The following DOCK3 variants were observed in gnomAD, a reference collection of about 807,000 sequenced individuals.
DOCK3 encodes dedicator of cytokinesis 3, also known as dedicator of cytokinesis protein 3.
DOCK3 carries 60 observed loss-of-function variants against 265.6 expected under a neutral mutation model. That is an observed-to-expected ratio of 0.23 (90% CI 0.18 to 0.28). The LOEUF is 0.28. DOCK3 is among the 10% of genes least tolerant of loss of function. The pLI is 1.00. For missense variants in DOCK3, 1,981 were observed against 2,594.3 expected, an observed-to-expected ratio of 0.76 and a Z score of 5.14; for synonymous variants, 881 against 938.0, an observed-to-expected ratio of 0.94 and a Z score of 1.11.
intron 12 of DOCK3, among the ~76,000 whole-genome samples, chr3:51,174,635 G>A (rs1405798827): frequency 6.6e-6 from 1 of 151,994 alleles, no homozygotes; most frequent in African/African-American, 2.4e-5. Flanking sequence ...CACTTCTTTA[G>A]GGTCATTTAT....
chr3:51,179,491 G>A (rs2087154971), intron 12 of DOCK3, among the ~76,000 whole-genome samples: 1 of 152,106 alleles, frequency 6.6e-6, no homozygotes, highest in Non-Finnish European at 1.5e-5. Flanking sequence ...GAGGCCTAAT[G>A]GATATCATAG....
chr3:51,236,446 C>G lies in DOCK3; in HGVS notation c.2001+18C>G. 1.9e-6 allele frequency: 3 copies of G among 1,590,004 alleles called. No individual in the cohort carries two copies. Among genetic ancestry groups the G allele is most frequent in the Non-Finnish European group, 2.6e-6 (3 of 1,167,674 alleles). On this transcript the variant is annotated intron_variant, in intron 20 of 52. Coordinates refer to ENST00000266037, the MANE Select transcript of DOCK3 (RefSeq NM_004947.5). ...AGTCTCTGGTAAGTCACCTTCCTGACTCTTTACTTTTATTAATTATTCCTG... is the reference window on the plus strand; with the variant it reads ...AGTCTCTGGTAAGTCACCTTCCTGAGTCTTTACTTTTATTAATTATTCCTG...
At position 51,375,738 on chromosome 3, in the gene DOCK3, C is replaced by T. The variant is rs2088064078; in HGVS notation, c.5413-10C>T. 2 of 1,613,928 alleles carry T rather than the reference C, an allele frequency of 1.2e-6. No individual in the cohort carries two copies. The highest frequency in any genetic ancestry group is 4.5e-5 in the East Asian group (2 of 44,890). ...TTTCACTCTCTGTAATGTTTATCTC[C>T]TTCCTTCAGCCGCCGAATTTCCAGC... is the stretch of plus-strand genomic sequence containing the variant. On this transcript the variant is annotated splice_polypyrimidine_tract_variant and intron_variant, in intron 50 of 52. Coordinates refer to ENST00000266037, the MANE Select transcript of DOCK3 (RefSeq NM_004947.5).
chr3:50,675,373 C>G lies in DOCK3; in HGVS notation c.37+73C>G. 8.7e-7 allele frequency: 1 copy of G among 1,148,122 alleles called. No homozygotes were observed. The highest frequency in any genetic ancestry group is 1.1e-6 in the Non-Finnish European group (1 of 920,124). The allele number at this position is 1,148,122 out of a possible 1,614,324, so 71.1% of individuals were successfully genotyped here. A position where few individuals can be genotyped will look rare whatever the true frequency, so the allele number is the denominator to read the frequency against. Reference sequence around the variant, plus strand: ...CCCAGCTCCCGGCCCCGCCTGGATTCGCATCCTCGTGCCCCCGCCACTGCC... The same window carrying G: ...CCCAGCTCCCGGCCCCGCCTGGATTGGCATCCTCGTGCCCCCGCCACTGCC... On this transcript the variant is annotated intron_variant, in intron 1 of 52. Transcript: ENST00000266037. The surrounding 1 kb of genome is among the most constrained non-coding windows in gnomAD (Gnocchi z 6.1).
At chr3:50,839,958 G>A (rs2045739333) in intron 2 of DOCK3, among the ~76,000 whole-genome samples, 1 of 151,258 alleles carries the variant, frequency 6.6e-6, no homozygotes, top group Non-Finnish European at 1.5e-5. Flanking sequence ...TAGTAGAGAT[G>A]GGGTTTCACC....
chr3:51,123,336 T>C (rs1423846525), intron 9 of DOCK3, among the ~76,000 whole-genome samples: 1 of 152,182 alleles, frequency 6.6e-6, no homozygotes, highest in Non-Finnish European at 1.5e-5. Context: ...CTACCCTATA[T>C]TCTTTGAGGG....
At chr3:50,712,280 A>C (rs1407246753) in intron 1 of DOCK3, among the ~76,000 whole-genome samples, 1 of 152,100 alleles carries the variant, frequency 6.6e-6, no homozygotes, top group Non-Finnish European at 1.5e-5. Context: ...TTTTTATTAG[A>C]GATATTTATA....
rs1315834363 is a variant in DOCK3, at chr3:51,314,990, G to A, written c.3264G>A (p.Lys1088=). ...GGTTTTGTTTTTCAGGTGAACATAA[G>A]ATCCACTTTATTCCGGGAATGATTG... is the stretch of plus-strand genomic sequence containing the variant. The part of the protein sequence containing the change: ...FSMWQNLGEH[K]IHFIPGMIGP... Residue 1088 remains lysine, a synonymous_variant, in exon 32 of 53, where the codon AAG becomes AAA. Coordinates refer to ENST00000266037, the MANE Select transcript of DOCK3 (RefSeq NM_004947.5). 1 of 1,605,840 alleles carries A rather than the reference G, an allele frequency of 6.2e-7. No individual in the cohort carries two copies. Among genetic ancestry groups the A allele is most frequent in the Non-Finnish European group, 8.5e-7 (1 of 1,175,020 alleles).
chr3:50,909,640 C>G (rs1297222616), intron 4 of DOCK3, among the ~76,000 whole-genome samples: 1 of 121,532 alleles, frequency 8.2e-6, no homozygotes, highest in Non-Finnish European at 1.7e-5. Context: ...CTACCCTTAA[C>G]GTTTTTTTTT....
chr3:50,955,048 C>T (rs2076692604), intron 5 of DOCK3, among the ~76,000 whole-genome samples: 1 of 152,002 alleles, frequency 6.6e-6, no homozygotes, highest in South Asian at 2.1e-4. Flanking sequence ...TATGGCTAGC[C>T]AGTTATTTCA....
intron 1 of DOCK3, among the ~76,000 whole-genome samples, chr3:50,712,684 C>T (rs942494602): frequency 1.3e-5 from 2 of 152,196 alleles, no homozygotes; most frequent in African/African-American, 4.8e-5. Context: ...TTATTCATCT[C>T]AAAGTCTTTT....
At chr3:51,314,923 G>C (rs2109644218) in intron 31 of DOCK3, 57 bp from the exon 32 acceptor site, 1 of 1,517,378 alleles carries the variant, frequency 6.6e-7, no homozygotes, top group Non-Finnish European at 8.9e-7. Flanking sequence ...CCCCATTTGG[G>C]AATCTTCCAT....
chr3:51,277,877 A>C (rs1195572175), intron 26 of DOCK3, 123 bp downstream of exon 26: 6 of 1,522,602 alleles, frequency 3.9e-6, no homozygotes, highest in Non-Finnish European at 5.3e-6. Flanking sequence ...CATGGTTGTC[A>C]GCATGCTGCC....
chr3:51,198,944 G>A (rs1301626753), intron 12 of DOCK3, among the ~76,000 whole-genome samples: 4 of 152,058 alleles, frequency 2.6e-5, no homozygotes, highest in Non-Finnish European at 5.9e-5. Context: ...CATGAGAATC[G>A]CTTGAAACCA....
intron 12 of DOCK3, among the ~76,000 whole-genome samples, chr3:51,163,196 A>T (rs1286952027): frequency 6.6e-6 from 1 of 152,226 alleles, no homozygotes; most frequent in Non-Finnish European, 1.5e-5. Flanking sequence ...TTTTACAAAG[A>T]TGAAAACCTC....
intron 1 of DOCK3, among the ~76,000 whole-genome samples, chr3:50,767,138 C>T (rs2040940366): frequency 6.6e-6 from 1 of 152,176 alleles, no homozygotes; most frequent in African/African-American, 2.4e-5. Flanking sequence ...TCCCATTTGT[C>T]TATTTTGGCT....
intron 1 of DOCK3, among the ~76,000 whole-genome samples, chr3:50,676,529 T>G (rs2033967388): frequency 6.6e-6 from 1 of 152,200 alleles, no homozygotes; most frequent in Non-Finnish European, 1.5e-5. Flanking sequence ...TTTTACCCCT[T>G]CTCTTAGAGT....
At chr3:51,098,972 G>T (rs556677808) in intron 9 of DOCK3, among the ~76,000 whole-genome samples, 4 of 152,286 alleles carry the variant, frequency 2.6e-5, no homozygotes, top group African/African-American at 9.6e-5. Flanking sequence ...CATCCACAAA[G>T]AAAGCTAATG....
At chr3:51,349,070 C>A in intron 39 of DOCK3, 132 bp downstream of exon 39, 2 of 832,220 alleles carry the variant, frequency 2.4e-6, no homozygotes, top group Non-Finnish European at 3.8e-6. Context: ...CTCCTGCCCT[C>A]AGGACACTTG....
Sources: gnomAD v4.1 joint callset for allele counts (sites outside exome capture counted in the v4.1 genomes callset) on GRCh38, gnomAD v4.1.1 for gene constraint, Gnocchi (gnomAD v3.1) non-coding constraint, MANE v1.5 for transcripts, NCBI Gene and HGNC (gene_info 2026-07-23, HGNC 2026-07-21) for gene names.